Variants in STK3 observed in about 807,000 individuals in gnomAD.
The protein encoded by STK3 is serine/threonine-protein kinase 3.
A neutral mutation model predicts 58.0 loss-of-function variants in STK3; 41 were observed. That is an observed-to-expected ratio of 0.71 (90% CI 0.55 to 0.92). The LOEUF (loss-of-function observed/expected upper bound fraction) is 0.92, where lower values mean the gene tolerates loss of function less well. STK3 is among the 40% of genes least tolerant of loss of function. The pLI is 0.00. For synonymous variants in STK3, 170 were observed against 191.0 expected, an observed-to-expected ratio of 0.89 and a Z score of 0.91; for missense variants, 479 against 602.7, an observed-to-expected ratio of 0.79 and a Z score of 2.15.
At chr8:98,558,737 A>C (rs559333107) in intron 8 of STK3, among the ~76,000 whole-genome samples, 2 of 152,074 alleles carry the variant, frequency 1.3e-5, no homozygotes, top group East Asian at 3.9e-4. Flanking sequence ...TAGTATTTTT[A>C]AGAGTTAGCA....
At position 98,428,218 on chromosome 8, in the gene STK3, A is replaced by G; in HGVS notation, n.483+5909T>C. 1.2e-6 allele frequency: 2 copies of G among 1,613,946 alleles called. No homozygotes were observed. Among genetic ancestry groups the G allele is most frequent in the South Asian group, 1.1e-5 (1 of 91,068 alleles). The stretch of plus-strand genomic sequence containing the variant: ...GACCGCAACCCTGAGCTCTTCCCCT[A>G]CGTGCTGCATTTCTATCACACCGGC... On this transcript the variant is annotated intron_variant and non_coding_transcript_variant, in intron 3 of 3. Coordinates refer to the STK3 transcript ENST00000517832. The surrounding 1 kb of genome is among the most constrained non-coding windows in gnomAD (Gnocchi z 6.7).
chr8:98,383,382 G>A (rs1328895007), intron 1 of STK3, among the ~76,000 whole-genome samples: 1 of 152,176 alleles, frequency 6.6e-6, no homozygotes, highest in East Asian at 1.9e-4. Flanking sequence ...ACAGGTGTCA[G>A]ACTAGATGTA....
intron 8 of STK3, among the ~76,000 whole-genome samples, chr8:98,576,519 A>G (rs1813406247): frequency 6.6e-6 from 1 of 152,232 alleles, no homozygotes; most frequent in Non-Finnish European, 1.5e-5. Flanking sequence ...AATGTCTTCT[A>G]ATCTCTGAAC....
chr8:98,395,975 T>C (rs138902097), intron 3 of STK3, among the ~76,000 whole-genome samples: 165 of 152,320 alleles, frequency 1.1e-3, no homozygotes, highest in African/African-American at 3.7e-3. Context: ...ACCACTGAAT[T>C]TTTTTGTACC....
downstream of STK3, among the ~76,000 whole-genome samples, chr8:98,396,923 C>G (rs1331112773): frequency 2.6e-5 from 4 of 152,204 alleles, no homozygotes; most frequent in African/African-American, 7.2e-5. Context: ...AGGCCCTATT[C>G]TAAGTTCTTT....
intron 4 of STK3, among the ~76,000 whole-genome samples, chr8:98,748,333 G>A (rs911377035): frequency 6.6e-6 from 1 of 152,060 alleles, no homozygotes; most frequent in Non-Finnish European, 1.5e-5. Flanking sequence ...GAATGTCACA[G>A]ATCACTTAAT....
chr8:98,716,182 T>C (rs1826998243), intron 4 of STK3, among the ~76,000 whole-genome samples: 1 of 152,076 alleles, frequency 6.6e-6, no homozygotes, highest in Non-Finnish European at 1.5e-5. Flanking sequence ...ATACTTGACA[T>C]TAAATGATGA....
At chr8:98,584,946 G>T (rs1351539731) in intron 7 of STK3, among the ~76,000 whole-genome samples, 1 of 150,758 alleles carries the variant, frequency 6.6e-6, no homozygotes, top group South Asian at 2.1e-4. Flanking sequence ...TGATGGGGTT[G>T]TTTTTTTCTT....
intron 10 of STK3, among the ~76,000 whole-genome samples, chr8:98,520,599 T>C (rs1351054137): frequency 6.6e-6 from 1 of 152,094 alleles, no homozygotes; most frequent in Non-Finnish European, 1.5e-5. Context: ...TGAAGCCTTC[T>C]CTGTCCTGAA....
In STK3 at chr8:98,510,815, T is replaced by C. The variant is rs114508542; in HGVS notation, c.1317+15927A>G. ...TAGACCTTAAAGCCTAACGGTGACA[T>C]AAAATAGGTAAAATAGGATACCCTG... is the stretch of plus-strand genomic sequence containing the variant. On this transcript the variant is annotated intron_variant, in intron 10 of 10. Coordinates refer to ENST00000419617, the MANE Select transcript of STK3 (RefSeq NM_006281.4). Among the ~76,000 whole-genome samples, 485 of 152,080 alleles carry C rather than the reference T, an allele frequency of 3.2e-3. 1 individual carries two copies. Among genetic ancestry groups the C allele is most frequent in the African/African-American group, 0.01 (431 of 41,506 alleles).
intron 1 of STK3, chr8:98,782,442 A>C (rs1832157107): frequency 7.9e-6 from 2 of 254,398 alleles, no homozygotes; most frequent in South Asian, 1.1e-4. Context: ...GTTCAAAAAC[A>C]GGTGGATTCT....
downstream of STK3, among the ~76,000 whole-genome samples, chr8:98,370,729 A>G (rs1162741509): frequency 6.6e-6 from 1 of 152,222 alleles, no homozygotes; most frequent in Non-Finnish European, 1.5e-5. Context: ...CATAAGGTTC[A>G]GAGCCAGATA....
At chr8:98,658,680 C>T (rs945146436) in intron 6 of STK3, among the ~76,000 whole-genome samples, 1 of 151,964 alleles carries the variant, frequency 6.6e-6, no homozygotes, top group African/African-American at 2.4e-5. Context: ...TCTTCCCTCT[C>T]ACCACCAGTT....
chr8:98,700,361 C>T (rs1463081506), intron 6 of STK3, among the ~76,000 whole-genome samples: 1 of 152,230 alleles, frequency 6.6e-6, no homozygotes, highest in Non-Finnish European at 1.5e-5. Context: ...GCGCACGGTG[C>T]ACTGCATCCA....
At position 98,825,557 on chromosome 8, in the gene STK3, G is replaced by A; in HGVS notation, c.-17C>T. 1.4e-6 allele frequency: 2 copies of A among 1,456,174 alleles called. No individual in the cohort carries two copies. Among genetic ancestry groups the A allele is most frequent in the African/African-American group, 1.5e-5 (1 of 67,020 alleles). The allele number at this position is 1,456,174 out of a possible 1,614,324, so 90.2% of individuals were successfully genotyped here. ...CTGCTCCATGGCGGCCGGGGACAGA[G>A]AGAGGGACCTGGTGGACGGCGAAGG... On this transcript the variant is annotated 5_prime_UTR_variant, in exon 1 of 11. Coordinates refer to ENST00000419617, the MANE Select transcript of STK3 (RefSeq NM_006281.4).
At chr8:98,651,534 A>T (rs1238253148) in intron 6 of STK3, 2 of 152,360 alleles carry the variant, frequency 1.3e-5, no homozygotes, top group African/African-American at 4.8e-5. Context: ...CAGACGATCA[A>T]ACTACTCTGA....
intron 4 of STK3, among the ~76,000 whole-genome samples, chr8:98,744,648 G>T (rs996369752): frequency 2.0e-5 from 3 of 150,400 alleles, no homozygotes; most frequent in Non-Finnish European, 3.0e-5. Flanking sequence ...CGAGTTAATG[G>T]GTACAGCACA....
chr8:98,780,055 T>C (rs1831982523), intron 1 of STK3, among the ~76,000 whole-genome samples: 1 of 151,966 alleles, frequency 6.6e-6, no homozygotes, highest in African/African-American at 2.4e-5. Flanking sequence ...AATAAGTATA[T>C]AATCATGTAA....
chr8:98,675,439 T>G (rs1478460717), intron 6 of STK3, among the ~76,000 whole-genome samples: 1 of 152,224 alleles, frequency 6.6e-6, no homozygotes, highest in Non-Finnish European at 1.5e-5. Flanking sequence ...TATGCCATCT[T>G]ATCTGTATGT....
Sources: gnomAD v4.1 joint callset for allele counts (sites outside exome capture counted in the v4.1 genomes callset) on GRCh38, gnomAD v4.1.1 for gene constraint, Gnocchi (gnomAD v3.1) non-coding constraint, MANE v1.5 for transcripts, NCBI Gene and HGNC (gene_info 2026-07-23, HGNC 2026-07-21) for gene names.